Variants in TMEM178B observed in about 807,000 individuals in gnomAD.
TMEM178B encodes the protein transmembrane protein 178B.
A neutral mutation model predicts 31.0 loss-of-function variants in TMEM178B; 5 were observed. The observed-to-expected ratio is 0.16, with a 90% CI of 0.08 to 0.34. The LOEUF (loss-of-function observed/expected upper bound fraction) is 0.34. Ranked by LOEUF, TMEM178B falls within the 10% of genes least tolerant of loss-of-function variation. The probability of loss-of-function intolerance (pLI) is 1.00; values close to 1 mark genes in which losing one functional copy is unlikely to be tolerated. For synonymous variants in TMEM178B, 164 were observed against 164.0 expected (o/e 1.00, Z 0.00); for missense variants, 275 against 400.3 (o/e 0.69, Z 2.67).
the TMEM178B span, among the ~76,000 whole-genome samples, chr7:141,489,632 G>T: frequency 2.0e-5 from 3 of 151,666 alleles, no homozygotes; most frequent in Admixed American, 2.0e-4. Flanking sequence ...TCATGTGTGT[G>T]TCTCTCTCTT....
chr7:141,401,751 G>A (rs1800780446), intron 2 of TMEM178B, among the ~76,000 whole-genome samples: 1 of 152,140 alleles, frequency 6.6e-6, no homozygotes, highest in Admixed American at 6.6e-5. Flanking sequence ...TGTCTCTACA[G>A]ACCATACGCA....
intron 1 of TMEM178B, among the ~76,000 whole-genome samples, chr7:141,086,696 T>A (rs1157936046): frequency 6.6e-6 from 1 of 152,076 alleles, no homozygotes; most frequent in African/African-American, 2.4e-5. Flanking sequence ...TCTGTGATAC[T>A]TTATTTATTT....
intron 2 of TMEM178B, among the ~76,000 whole-genome samples, chr7:141,265,328 G>A (rs1281825121): frequency 6.6e-6 from 1 of 152,030 alleles, no homozygotes; most frequent in African/African-American, 2.4e-5. Context: ...GGTGGGAGAG[G>A]GCTGAGTTTC....
chr7:141,500,205 C>T, the TMEM178B span, among the ~76,000 whole-genome samples: 4 of 152,080 alleles, frequency 2.6e-5, no homozygotes, highest in Non-Finnish European at 5.9e-5. Context: ...ATCATTGTCC[C>T]TGGAAATTCA....
chr7:141,310,752 A>G (rs1311506226), intron 2 of TMEM178B, among the ~76,000 whole-genome samples: 2 of 152,202 alleles, frequency 1.3e-5, no homozygotes, highest in African/African-American at 2.4e-5. Context: ...CAATTACTCA[A>G]AGACCTAGAA....
At chr7:141,141,332 A>G (rs1205315886) in intron 1 of TMEM178B, among the ~76,000 whole-genome samples, 3 of 151,940 alleles carry the variant, frequency 2.0e-5, no homozygotes, top group African/African-American at 7.3e-5. Flanking sequence ...ATACTCTAGA[A>G]TCATCTTGTA....
Position 141,394,824 on chromosome 7 carries a change from AT to A in TMEM178B, c.497-42778del, listed in dbSNP as rs901425330. ...GACATAAACAGTTCTTTTTATATAT[AT>A]TTTTTCTCCTCAGCTATATCTCACC... On this transcript the variant is annotated intron_variant, in intron 2 of 3. Transcript: ENST00000565468. Among the ~76,000 whole-genome samples, 5 of 152,140 alleles carry A rather than the reference AT, an allele frequency of 3.3e-5. No homozygotes were observed. The East Asian group carries it at 7.7e-4, about 24-fold the overall frequency.
At chr7:141,227,797 G>C (rs1477139808) in intron 2 of TMEM178B, among the ~76,000 whole-genome samples, 1 of 152,194 alleles carries the variant, frequency 6.6e-6, no homozygotes, top group Non-Finnish European at 1.5e-5. Flanking sequence ...TTAGGGGACA[G>C]CAGGGATTCT....
chr7:141,239,863 A>T (rs1797592221), intron 2 of TMEM178B, among the ~76,000 whole-genome samples: 1 of 152,126 alleles, frequency 6.6e-6, no homozygotes, highest in Admixed American at 6.5e-5. Context: ...TTTGCCCCCT[A>T]GTGTAGGGAG....
chr7:141,473,024 G>A lies in TMEM178B; in HGVS notation c.*2238G>A, dbSNP rs558527705. On this transcript the variant is annotated 3_prime_UTR_variant, in exon 4 of 4. Coordinates refer to ENST00000565468, the MANE Select transcript of TMEM178B (RefSeq NM_001195278.2). ...TTCCCTGTGTGTGGGTGTGCTGGGC[G>A]ATAGGGTAAGGTGTGCAACGGGAAA... The A allele has an allele frequency of 5.3e-5, 8 of 152,178 alleles. No individual in the cohort carries two copies. Among genetic ancestry groups the A allele is most frequent in the African/African-American group, 7.2e-5 (3 of 41,422 alleles). 9.4% of individuals were successfully genotyped at this position (152,178 alleles called of 1,614,324 possible).
intron 2 of TMEM178B, among the ~76,000 whole-genome samples, chr7:141,283,920 A>T (rs1363385723): frequency 6.6e-6 from 1 of 152,220 alleles, no homozygotes; most frequent in African/African-American, 2.4e-5. Context: ...GAATCTGATT[A>T]TTGAAAAGTG....
chr7:141,331,237 ATAGAT>A (rs531649141), intron 2 of TMEM178B, among the ~76,000 whole-genome samples: 1 of 152,316 alleles, frequency 6.6e-6, no homozygotes, highest in South Asian at 2.1e-4. Context: ...AGGCCATAGA[ATAGAT>A]GATAACACCA....
At chr7:141,383,828 C>A (rs1270366725) in intron 2 of TMEM178B, among the ~76,000 whole-genome samples, 50 of 152,264 alleles carry the variant, frequency 3.3e-4, no homozygotes, top group African/African-American at 1.1e-3. Flanking sequence ...GTTTACAGAC[C>A]CATCAACAGA....
At chr7:141,350,999 A>G (rs1323578813) in intron 2 of TMEM178B, among the ~76,000 whole-genome samples, 7 of 152,196 alleles carry the variant, frequency 4.6e-5, no homozygotes, top group African/African-American at 9.7e-5. Context: ...TGGCATTCTT[A>G]TTAGCAAATA....
chr7:141,145,820 T>C (rs1405982917), intron 1 of TMEM178B, among the ~76,000 whole-genome samples: 1 of 152,214 alleles, frequency 6.6e-6, no homozygotes, highest in African/African-American at 2.4e-5. Context: ...GCTGAGCTGC[T>C]TGTCTTGTGG....
chr7:141,135,429 A>G (rs1251479275), intron 1 of TMEM178B, among the ~76,000 whole-genome samples: 1 of 152,214 alleles, frequency 6.6e-6, no homozygotes, highest in Non-Finnish European at 1.5e-5. Context: ...CTGAATACAC[A>G]TTCTTCTCAT....
chr7:141,464,886 C>T (rs1052733478), intron 3 of TMEM178B, among the ~76,000 whole-genome samples: 9 of 152,146 alleles, frequency 5.9e-5, no homozygotes, highest in Non-Finnish European at 8.8e-5. Flanking sequence ...GTGTGGAGCA[C>T]GCAGCAGAAC....
At chr7:141,220,404 C>CTTAG (rs1797238833) in intron 2 of TMEM178B, among the ~76,000 whole-genome samples, 1 of 151,808 alleles carries the variant, frequency 6.6e-6, no homozygotes, top group Non-Finnish European at 1.5e-5. Flanking sequence ...GTCCCACCTA[C>CTTAG]TTAGATAGCT....
chr7:141,336,471 A>G (rs193054518), intron 2 of TMEM178B, among the ~76,000 whole-genome samples: 1 of 152,182 alleles, frequency 6.6e-6, no homozygotes, highest in East Asian at 1.9e-4. Flanking sequence ...TTGGTCATTC[A>G]CTTCACTACT....
Sources: gnomAD v4.1 joint callset for allele counts (sites outside exome capture counted in the v4.1 genomes callset) on GRCh38, gnomAD v4.1.1 for gene constraint, MANE v1.5 for transcripts, NCBI Gene and HGNC (gene_info 2026-07-23, HGNC 2026-07-21) for gene names.